Variants in DYM observed in about 807,000 individuals in gnomAD.
The protein encoded by DYM is dyggve-Melchior-Clausen syndrome protein.
DYM carries 78 observed loss-of-function variants against 93.1 expected under a neutral mutation model. That is an observed-to-expected ratio of 0.84 (90% confidence interval 0.70 to 1.01). DYM has a LOEUF of 1.01. Ranked by LOEUF, DYM falls within the 50% of genes least tolerant of loss-of-function variation. The pLI is 0.00. For synonymous variants in DYM, 321 were observed against 319.7 expected, an observed-to-expected ratio of 1.00 and a Z score of -0.04; for missense variants, 789 against 845.0, an observed-to-expected ratio of 0.93 and a Z score of 0.82.
At chr18:49,402,612 CTTGT>C (rs997093035) in intron 2 of DYM, among the ~76,000 whole-genome samples, 2 of 152,122 alleles carry the variant, frequency 1.3e-5, no homozygotes, top group Non-Finnish European at 2.9e-5. Flanking sequence ...TTTAAAAATT[CTTGT>C]TTAATTCCAC....
rs1348609551 is a variant in DYM, at chr18:49,118,944, C to A, written c.1729-18G>T. The A allele has an allele frequency of 2.5e-6, 4 of 1,610,784 alleles. No homozygotes were observed. The highest frequency in any genetic ancestry group is 4.5e-5 in the East Asian group (2 of 44,820). ...TCTTGTGCCTTATAGAGAAAAGAAACCCCAACACAGAGTCAGTCTTTTCCT... is the reference window on the plus strand; with the variant it reads ...TCTTGTGCCTTATAGAGAAAAGAAAACCCAACACAGAGTCAGTCTTTTCCT... On this transcript the variant is annotated intron_variant, in intron 15 of 17. Transcript: ENST00000675505.
At chr18:49,249,662 T>C (rs1280264482) in intron 13 of DYM, among the ~76,000 whole-genome samples, 2 of 151,780 alleles carry the variant, frequency 1.3e-5, no homozygotes, top group Non-Finnish European at 2.9e-5. Context: ...TTCTGTTTTG[T>C]AGTCTTCAAA....
intron 15 of DYM, among the ~76,000 whole-genome samples, chr18:49,162,358 T>C (rs2087261759): frequency 6.6e-6 from 1 of 152,162 alleles, no homozygotes; most frequent in South Asian, 2.1e-4. Flanking sequence ...GAGAACCTTC[T>C]TGCTAGTGGT....
At chr18:49,069,202 T>C (rs2076696680) in intron 17 of DYM, among the ~76,000 whole-genome samples, 1 of 152,214 alleles carries the variant, frequency 6.6e-6, no homozygotes, top group Admixed American at 6.5e-5. Flanking sequence ...ATAAACTAAA[T>C]TGTTATACAC....
At chr18:49,388,509 A>C (rs1034308270) in intron 3 of DYM, among the ~76,000 whole-genome samples, 2 of 151,990 alleles carry the variant, frequency 1.3e-5, no homozygotes, top group Non-Finnish European at 2.9e-5. Context: ...GCGTCCCAGG[A>C]GGAGAGGAGA....
At chr18:49,433,202 C>G (rs1185340265) in intron 1 of DYM, among the ~76,000 whole-genome samples, 1 of 152,194 alleles carries the variant, frequency 6.6e-6, no homozygotes, top group Non-Finnish European at 1.5e-5. Flanking sequence ...TGACGGTTCA[C>G]TTGATGCGTC....
chr18:49,357,072 T>G (rs965380288), intron 6 of DYM, among the ~76,000 whole-genome samples: 1 of 152,242 alleles, frequency 6.6e-6, no homozygotes, highest in East Asian at 1.9e-4. Context: ...CTAATGTGCT[T>G]GTGATTTTCC....
At chr18:49,101,241 G>A (rs1185137297) in intron 16 of DYM, among the ~76,000 whole-genome samples, 1 of 152,170 alleles carries the variant, frequency 6.6e-6, no homozygotes, top group Non-Finnish European at 1.5e-5. Context: ...AGTGAAAGTG[G>A]GGATGAATGC....
At chr18:49,396,824 G>A (rs1053202408) in intron 2 of DYM, among the ~76,000 whole-genome samples, 1 of 152,086 alleles carries the variant, frequency 6.6e-6, no homozygotes, top group African/African-American at 2.4e-5. Context: ...CACAAAAGAC[G>A]AATAACACAT....
At chr18:49,365,529 A>G (rs1038274656) in intron 5 of DYM, among the ~76,000 whole-genome samples, 1 of 152,220 alleles carries the variant, frequency 6.6e-6, no homozygotes, top group Non-Finnish European at 1.5e-5. Flanking sequence ...AACTCAAGTT[A>G]ACAACCTACT....
chr18:49,103,708 G>T (rs1438113390), intron 16 of DYM, among the ~76,000 whole-genome samples: 1 of 152,286 alleles, frequency 6.6e-6, no homozygotes, highest in East Asian at 1.9e-4. Flanking sequence ...GTTTGTCAAA[G>T]ATCAGATGGT....
chr18:49,349,548 G>T (rs1381837134), intron 6 of DYM, among the ~76,000 whole-genome samples: 1 of 152,092 alleles, frequency 6.6e-6, no homozygotes, highest in African/African-American at 2.4e-5. Flanking sequence ...AATAATCAGA[G>T]AAAAAGAACT....
At chr18:49,299,314 T>G (rs762731815) in intron 8 of DYM, among the ~76,000 whole-genome samples, 1 of 152,312 alleles carries the variant, frequency 6.6e-6, no homozygotes, top group South Asian at 2.1e-4. Flanking sequence ...TAAAGTGAAC[T>G]AAGTAAACTG....
chr18:49,209,137 A>G (rs1030670527), intron 14 of DYM, among the ~76,000 whole-genome samples: 6 of 152,234 alleles, frequency 3.9e-5, no homozygotes, highest in African/African-American at 9.6e-5. Flanking sequence ...ATGCACCTCT[A>G]TCGGAACATA....
chr18:49,050,503 G>C (rs1476107901), intron 17 of DYM, among the ~76,000 whole-genome samples: 1 of 152,138 alleles, frequency 6.6e-6, no homozygotes. Context: ...ATGTGACCTA[G>C]GTGTTTACCA....
intron 6 of DYM, 103 bp downstream of exon 6, chr18:49,363,058 C>T (rs1000580750): frequency 2.3e-6 from 2 of 867,200 alleles, no homozygotes; most frequent in East Asian, 2.5e-5. Context: ...AAAAGGCACA[C>T]ATATAAGTTC....
chr18:49,038,703 CT>C lies in DYM; in HGVS notation c.*5351del, dbSNP rs1177938751. ...TGTTCCACCTGTTCTGCTTTTTCTT[CT>C]TTCTTAGACTCTTTTGCAATTCTTA... On this transcript the variant is annotated 3_prime_UTR_variant, in exon 18 of 18. Coordinates refer to ENST00000675505, the MANE Select transcript of DYM (RefSeq NM_001353214.3). 6.6e-6 allele frequency among the ~76,000 whole-genome samples: 1 copy of C among 152,126 alleles called. No individual in the cohort carries two copies. The highest frequency in any genetic ancestry group is 1.5e-5 in the Non-Finnish European group (1 of 67,994).
chr18:49,056,749 A>T (rs550064400), intron 17 of DYM, among the ~76,000 whole-genome samples: 4 of 150,096 alleles, frequency 2.7e-5, no homozygotes, highest in Admixed American at 1.3e-4. Flanking sequence ...GGGTTTCACC[A>T]TGTTAGCCAG....
intron 13 of DYM, among the ~76,000 whole-genome samples, chr18:49,211,591 T>C (rs1471990938): frequency 6.6e-6 from 1 of 152,118 alleles, no homozygotes; most frequent in African/African-American, 2.4e-5. Context: ...AAACGAACAA[T>C]CCATTCATCC....
Sources: allele counts gnomAD v4.1 joint callset (sites outside exome capture counted in the v4.1 genomes callset), GRCh38; gene constraint gnomAD v4.1.1; transcripts MANE v1.5; gene names NCBI Gene and HGNC (gene_info 2026-07-23, HGNC 2026-07-21).